Variants in B4GALT4 observed in about 807,000 individuals in gnomAD.
The protein encoded by B4GALT4 is N-acetyllactosamine synthase.
In B4GALT4, 27 loss-of-function variants were observed where a neutral mutation model predicts 37.3. The ratio of observed to expected loss-of-function variants is 0.72; its 90% confidence interval spans 0.53 to 1.00. B4GALT4 has a LOEUF of 1.00. Among genes scored for constraint, B4GALT4 ranks in the 50% least tolerant of loss-of-function variants. B4GALT4 has a pLI of 0.00. For synonymous variants in B4GALT4, 148 were observed against 154.1 expected (o/e 0.96, Z 0.29); for missense variants, 372 against 413.1 (o/e 0.90, Z 0.86).
chr3:119,237,786 A>G (rs915644833), intron 1 of B4GALT4, among the ~76,000 whole-genome samples: 11 of 152,258 alleles, frequency 7.2e-5, no homozygotes, highest in African/African-American at 2.7e-4. Flanking sequence ...GAGGTATACC[A>G]TGATATTCAA....
Position 119,218,696 on chromosome 3 carries a change from T to G in B4GALT4, c.751A>C (p.Asn251His). The G allele has an allele frequency of 6.2e-7, 1 of 1,614,196 alleles. No homozygotes were observed. The highest frequency in any genetic ancestry group is 8.5e-7 in the Non-Finnish European group (1 of 1,180,034). The change falls in exon 6 of 8, where the codon AAC (asparagine) becomes CAC (histidine). Residue 251 changes from asparagine to histidine, a missense_variant. Transcript: ENST00000393765. ...EQFFKVNGFS[N>H]NYWGWGGEDD... Reference sequence around the variant, plus strand: ...TCGCCTCCCCATCCCCAGTAGTTGTTAGAGAATCCATTCACCTTGAAAAAC... The same window carrying G: ...TCGCCTCCCCATCCCCAGTAGTTGTGAGAGAATCCATTCACCTTGAAAAAC...
At chr3:119,214,939 A>G (rs943701867) in intron 7 of B4GALT4, 3 of 152,190 alleles carry the variant, frequency 2.0e-5, no homozygotes, top group African/African-American at 7.2e-5. Context: ...TCACAAAATG[A>G]CACAACCAGA....
intron 3 of B4GALT4, among the ~76,000 whole-genome samples, chr3:119,227,517 G>T (rs760024488): frequency 6.6e-6 from 1 of 152,056 alleles, no homozygotes; most frequent in African/African-American, 2.4e-5. Context: ...AACCACCCTG[G>T]CTCCCTGTAA....
At chr3:119,235,710 C>G (rs188679938) in intron 2 of B4GALT4, among the ~76,000 whole-genome samples, 3 of 151,968 alleles carry the variant, frequency 2.0e-5, no homozygotes, top group Non-Finnish European at 2.9e-5. Context: ...GTTCCCTGGG[C>G]AGGGTAGGAA....
At chr3:119,236,481 A>C (rs2078989644) in intron 2 of B4GALT4, among the ~76,000 whole-genome samples, 1 of 152,206 alleles carries the variant, frequency 6.6e-6, no homozygotes, top group Non-Finnish European at 1.5e-5. Context: ...AAATTAACTA[A>C]AACTAAAAAT....
chr3:119,239,769 G>GA (rs2079092007), intron 1 of B4GALT4, among the ~76,000 whole-genome samples: 1 of 152,036 alleles, frequency 6.6e-6, no homozygotes. Flanking sequence ...TTTCCATAAA[G>GA]AACAAACCTG....
At chr3:119,220,442 G>A (rs541668829) in intron 5 of B4GALT4, among the ~76,000 whole-genome samples, 25 of 152,382 alleles carry the variant, frequency 1.6e-4, no homozygotes, top group African/African-American at 5.8e-4. Flanking sequence ...CTAAACACGG[G>A]AATGCGGGAG....
chr3:119,226,641 T>G (rs1448214119), intron 4 of B4GALT4, 168 bp downstream of exon 4: 1 of 652,992 alleles, frequency 1.5e-6, no homozygotes, highest in Admixed American at 2.9e-5. Flanking sequence ...CTCCACACTC[T>G]GAGACAAGAA....
chr3:119,238,823 T>C (rs1248202091), intron 1 of B4GALT4, among the ~76,000 whole-genome samples: 1 of 152,174 alleles, frequency 6.6e-6, no homozygotes, highest in African/African-American at 2.4e-5. Flanking sequence ...AGACAGGAAT[T>C]ATAACTTTTA....
intron 5 of B4GALT4, among the ~76,000 whole-genome samples, chr3:119,219,726 A>G (rs896215192): frequency 6.6e-6 from 1 of 152,192 alleles, no homozygotes; most frequent in Non-Finnish European, 1.5e-5. Flanking sequence ...AAAGTTAGAG[A>G]GCACCTCCCA....
At chr3:119,222,155 T>C (rs1024092846) in intron 5 of B4GALT4, among the ~76,000 whole-genome samples, 1 of 152,174 alleles carries the variant, frequency 6.6e-6, no homozygotes, top group Non-Finnish European at 1.5e-5. Context: ...ATCTGGGCAA[T>C]GGGAAGTTTA....
chr3:119,220,175 C>CA lies in B4GALT4; in HGVS notation c.675-1404dup, dbSNP rs146968735. Among the ~76,000 whole-genome samples the CA allele has an allele frequency of 9.1e-4, 138 of 151,676 alleles. 4 individuals carry two copies. The East Asian group carries it at 0.021, about 23-fold the overall frequency. On this transcript the variant is annotated intron_variant, in intron 5 of 7. Coordinates refer to ENST00000393765, the MANE Select transcript of B4GALT4 (RefSeq NM_003778.4). ...TGTATTTTTGCAGCCTATAATAAAACAAAAAAAAGGAAATAAAGTGCTTAG... is the reference window on the plus strand; with the variant it reads ...TGTATTTTTGCAGCCTATAATAAAACAAAAAAAAAGGAAATAAAGTGCTTAG...
chr3:119,230,338 G>C (rs1401441231), intron 2 of B4GALT4, 94 bp from the exon 3 acceptor site: 4 of 546,996 alleles, frequency 7.3e-6, no homozygotes, highest in Non-Finnish European at 1.3e-5. Flanking sequence ...ATCCCCGATG[G>C]ACCTTGACTA....
intron 1 of B4GALT4, chr3:119,240,001 A>T (rs1259472432): frequency 6.7e-6 from 1 of 148,190 alleles, no homozygotes; most frequent in Non-Finnish European, 1.5e-5. Context: ...AAAATTTAAA[A>T]AAAAAAAAAA....
intron 4 of B4GALT4, among the ~76,000 whole-genome samples, chr3:119,225,143 G>A (rs776513570): frequency 5.9e-5 from 9 of 152,164 alleles, no homozygotes; most frequent in Non-Finnish European, 1.2e-4. Context: ...GCTACTGGTG[G>A]AGGCTAATCC....
chr3:119,222,845 C>G (rs78982418), intron 5 of B4GALT4, among the ~76,000 whole-genome samples: 6,500 of 152,310 alleles, frequency 0.043, 279 homozygotes, highest in Admixed American at 0.15. Flanking sequence ...TGTGCTCTCA[C>G]CCACCATAGT....
chr3:119,238,348 G>C (rs1407683662), intron 1 of B4GALT4, among the ~76,000 whole-genome samples: 2 of 150,568 alleles, frequency 1.3e-5, no homozygotes, highest in African/African-American at 4.9e-5. Flanking sequence ...CATACAAAAT[G>C]ATAGTCACTG....
chr3:119,215,041 G>T (rs1468183752), intron 7 of B4GALT4: 2 of 152,176 alleles, frequency 1.3e-5, no homozygotes, highest in African/African-American at 4.8e-5. Flanking sequence ...CAAGTCTCCA[G>T]AAATGCAGAG....
At chr3:119,235,789 G>C (rs981951729) in intron 2 of B4GALT4, among the ~76,000 whole-genome samples, 1 of 152,030 alleles carries the variant, frequency 6.6e-6, no homozygotes, top group African/African-American at 2.4e-5. Flanking sequence ...GCTCCTAACA[G>C]CCCAACCTAG....
Sources: gnomAD v4.1 joint callset for allele counts (sites outside exome capture counted in the v4.1 genomes callset) on GRCh38, gnomAD v4.1.1 for gene constraint, MANE v1.5 for transcripts, NCBI Gene and HGNC (gene_info 2026-07-23, HGNC 2026-07-21) for gene names.